GTPBP4: variants seen among roughly 807,000 people sequenced by gnomAD.
The protein encoded by GTPBP4 is GTP-binding protein 4.
A neutral mutation model predicts 81.7 loss-of-function variants in GTPBP4; 15 were observed. The ratio of observed to expected loss-of-function variants is 0.18; its 90% CI spans 0.12 to 0.28. The LOEUF (loss-of-function observed/expected upper bound fraction) is 0.28, where lower values mean the gene tolerates loss of function less well. GTPBP4 is among the 10% of genes least tolerant of loss of function. The pLI is 1.00. For missense variants in GTPBP4, 847 were observed against 793.8 expected, an observed-to-expected ratio of 1.07 and a Z score of -0.81; for synonymous variants, 272 against 274.6, an observed-to-expected ratio of 0.99 and a Z score of 0.09.
At chr10:992,875 ACCAAAAC>A (rs1831470158) in intron 2 of GTPBP4, among the ~76,000 whole-genome samples, 1 of 152,190 alleles carries the variant, frequency 6.6e-6, no homozygotes. Flanking sequence ...CTTTCCTCCA[ACCAAAAC>A]CCATCTAAGG....
chr10:991,689 CTTTTTTTTTTTT>C lies in GTPBP4; in HGVS notation c.49-787_49-776del, dbSNP rs778451253. ...CAAGAAAGTATGGTGTAAAATTTATCTTTTTTTTTTTTTTTTTTTTTTTTGAGACGGAGTCTC... is the reference window on the plus strand; with the variant it reads ...CAAGAAAGTATGGTGTAAAATTTATCTTTTTTTTTTTTGAGACGGAGTCTC... On this transcript the variant is annotated intron_variant, in intron 1 of 16. Coordinates refer to ENST00000360803, the MANE Select transcript of GTPBP4 (RefSeq NM_012341.3). Among the ~76,000 whole-genome samples the C allele has an allele frequency of 3.6e-3, 268 of 74,846 alleles. 1 individual carries two copies. Among genetic ancestry groups the C allele is most frequent in the African/African-American group, 0.014 (245 of 18,136 alleles). The allele number at this position is 74,846 out of a possible 152,430, so 49.1% of individuals were successfully genotyped here. A position where few individuals can be genotyped will look rare whatever the true frequency, so the allele number is the denominator to read the frequency against.
At chr10:1,009,457 T>C in intron 11 of GTPBP4, 72 bp from the exon 12 acceptor site, 1 of 983,006 alleles carries the variant, frequency 1.0e-6, no homozygotes, top group Non-Finnish European at 1.7e-6. Context: ...TTGTTTCAAG[T>C]GACAAGGGGC....
intron 10 of GTPBP4, 34 bp downstream of exon 10, chr10:1,007,162 A>G (rs1363852115): frequency 1.7e-6 from 2 of 1,175,190 alleles, no homozygotes; most frequent in Non-Finnish European, 2.6e-6. Context: ...GTGGGCTCAC[A>G]GTACTGTCAG....
chr10:1,007,524 C>G (rs1356095687), intron 10 of GTPBP4, among the ~76,000 whole-genome samples: 1 of 152,132 alleles, frequency 6.6e-6, no homozygotes, highest in Non-Finnish European at 1.5e-5. Context: ...TGCTTAAGCC[C>G]AGGAGTTCTT....
chr10:1,012,067 T>C (rs918717706), intron 13 of GTPBP4, among the ~76,000 whole-genome samples: 15 of 151,950 alleles, frequency 9.9e-5, no homozygotes, highest in African/African-American at 3.1e-4. Context: ...GCCAGTGAGG[T>C]TGTATTTGGG....
At chr10:1,014,104 G>A in intron 14 of GTPBP4, 143 bp from the exon 15 acceptor site, 1 of 535,100 alleles carries the variant, frequency 1.9e-6, no homozygotes, top group Non-Finnish European at 3.4e-6. Context: ...AAACATGAAA[G>A]CGGGGCCCAA....
intron 6 of GTPBP4, among the ~76,000 whole-genome samples, 182 bp from the exon 7 acceptor site, chr10:1,000,495 C>T (rs2132161900): frequency 6.6e-6 from 1 of 151,828 alleles, no homozygotes; most frequent in East Asian, 1.9e-4. Flanking sequence ...CCTCGGCCTC[C>T]CAGAGTGCTG....
intron 16 of GTPBP4, 109 bp from the exon 17 acceptor site, chr10:1,016,966 G>C (rs981252332): frequency 2.5e-6 from 2 of 797,766 alleles, no homozygotes; most frequent in South Asian, 1.8e-5. Context: ...GGGTCTCTTC[G>C]CTGAGCAGAC....
intron 13 of GTPBP4, among the ~76,000 whole-genome samples, chr10:1,011,003 CCCCCACCCTG>C (rs1831854053): frequency 1.6e-5 from 2 of 126,620 alleles, no homozygotes; most frequent in Non-Finnish European, 3.5e-5. Context: ...ACCACCTTCC[CCCCCACCCTG>C]TGTCTCCGCC....
intron 1 of GTPBP4, among the ~76,000 whole-genome samples, chr10:990,231 G>A (rs563839808): frequency 6.6e-6 from 1 of 151,980 alleles, no homozygotes; most frequent in African/African-American, 2.4e-5. Flanking sequence ...TATTTTTAGA[G>A]AACAGATGAC....
intron 1 of GTPBP4, among the ~76,000 whole-genome samples, chr10:989,408 C>T (rs1362333377): frequency 2.0e-5 from 3 of 152,182 alleles, no homozygotes; most frequent in African/African-American, 7.2e-5. Context: ...AGCCACTGCG[C>T]CCGGCCCTAG....
At chr10:992,693 A>T (rs1282542498) in intron 2 of GTPBP4, 34 bp downstream of exon 2, 10 of 1,352,758 alleles carry the variant, frequency 7.4e-6, no homozygotes, top group Non-Finnish European at 1.0e-5. Context: ...TGGTTATGTA[A>T]ATACGGGCTT....
At position 1,019,613 on chromosome 10, in the gene GTPBP4, C is replaced by G; in HGVS notation, c.*2386C>G. ...GAAACCTCTCGGCAATGGTTCTTAG[C>G]CAGGGGGTGACTTTGACTTCACCCC... On this transcript the variant is annotated 3_prime_UTR_variant, in exon 17 of 17. Coordinates refer to ENST00000360803, the MANE Select transcript of GTPBP4 (RefSeq NM_012341.3). The G allele has an allele frequency of 6.2e-7, 1 of 1,614,066 alleles. No homozygotes were observed. Among genetic ancestry groups the G allele is most frequent in the Non-Finnish European group, 8.5e-7 (1 of 1,180,022 alleles).
Position 990,419 on chromosome 10 carries a change from A to AT in GTPBP4, c.48+1896dup, listed in dbSNP as rs1391704187. 2.0e-5 allele frequency among the ~76,000 whole-genome samples: 3 copies of AT among 152,200 alleles called. No individual in the cohort carries two copies. In the East Asian group the frequency reaches 5.8e-4, roughly 29 times the overall value. On this transcript the variant is annotated intron_variant, in intron 1 of 16. Transcript: ENST00000360803. ...TAAAATACCTGCCTCTTTGGAAGTC[A>AT]TTTTCAAGAGAGGTAAGTCGAGGCC...
chr10:1,012,787 T>C (rs969457104), intron 14 of GTPBP4, 125 bp downstream of exon 14: 10 of 655,816 alleles, frequency 1.5e-5, no homozygotes, highest in Non-Finnish European at 2.7e-5. Context: ...CTTGTTTTAT[T>C]GGTGTATGGA....
chr10:1,009,630 G>T, intron 12 of GTPBP4, 50 bp downstream of exon 12: 1 of 1,027,844 alleles, frequency 9.7e-7, no homozygotes, highest in South Asian at 1.3e-5. Context: ...TGGACGTGAA[G>T]TATTTCAGAA....
intron 15 of GTPBP4, among the ~76,000 whole-genome samples, 176 bp from the exon 16 acceptor site, chr10:1,015,576 AG>A (rs1564472355): frequency 1.6e-5 from 2 of 128,524 alleles, no homozygotes; most frequent in Non-Finnish European, 3.2e-5. Context: ...TGGGGTCCTG[AG>A]CGCTGAGCCT....
Position 1,012,585 on chromosome 10 carries a change from G to C in GTPBP4, c.1465G>C (p.Glu489Gln). Residue 489 changes from glutamate to glutamine, a missense_variant, in exon 14 of 17, where the codon GAG (glutamate) becomes CAG (glutamine). Coordinates refer to ENST00000360803, the MANE Select transcript of GTPBP4 (RefSeq NM_012341.3). Reference sequence around the variant, plus strand: ...CCGACAGCTGGCAAAGCAAATTCGAGAGAAAAAGAAGTTGAAAATTCTGGA... The same window carrying C: ...CCGACAGCTGGCAAAGCAAATTCGACAGAAAAAGAAGTTGAAAATTCTGGA... ...EIRQLAKQIR[E>Q]KKKLKILESK... 1 of 1,614,048 alleles carries C rather than the reference G, an allele frequency of 6.2e-7. No homozygotes were observed. Among genetic ancestry groups the C allele is most frequent in the Non-Finnish European group, 8.5e-7 (1 of 1,179,950 alleles).
chr10:1,019,749 T>C lies in GTPBP4; in HGVS notation c.*2522T>C, dbSNP rs757818684. The C allele has an allele frequency of 6.2e-7, 1 of 1,613,946 alleles. No homozygotes were observed. Among genetic ancestry groups the C allele is most frequent in the Non-Finnish European group, 8.5e-7 (1 of 1,179,982 alleles). ...GACGTTTTTCCTCACAAGCAGAAGG[T>C]AACAAATTTCATGCTCTCCCCAAAT... On this transcript the variant is annotated 3_prime_UTR_variant, in exon 17 of 17. Transcript: ENST00000360803.
Sources: gnomAD v4.1 joint callset for allele counts (sites outside exome capture counted in the v4.1 genomes callset) on GRCh38, gnomAD v4.1.1 for gene constraint, MANE v1.5 for transcripts, NCBI Gene and HGNC (gene_info 2026-07-23, HGNC 2026-07-21) for gene names.